The following ATRNL1 variants were observed in gnomAD, a reference collection of about 807,000 sequenced individuals.
The protein encoded by ATRNL1 is attractin-like protein 1.
In ATRNL1, 95 loss-of-function variants were observed where a neutral mutation model predicts 182.7. The observed-to-expected ratio is 0.52, with a 90% CI of 0.44 to 0.62. The LOEUF is 0.62. Among genes scored for constraint, ATRNL1 ranks in the 20% least tolerant of loss-of-function variants. The pLI is 0.00. For missense variants in ATRNL1, 1,471 were observed against 1,679.5 expected (o/e 0.88, Z 2.17); for synonymous variants, 576 against 568.3 (o/e 1.01, Z -0.19).
chr10:115,389,137 A>G (rs1423667525), intron 19 of ATRNL1, among the ~76,000 whole-genome samples: 2 of 152,120 alleles, frequency 1.3e-5, no homozygotes, highest in South Asian at 4.1e-4. Context: ...TTTAGATCCC[A>G]CATATAATTG....
chr10:115,543,201 C>T (rs1852459619), intron 25 of ATRNL1, among the ~76,000 whole-genome samples: 1 of 152,112 alleles, frequency 6.6e-6, no homozygotes, highest in Admixed American at 6.6e-5. Flanking sequence ...GCTTAACAAC[C>T]CTCAGAAGTT....
intron 16 of ATRNL1, among the ~76,000 whole-genome samples, 158 bp downstream of exon 16, chr10:115,300,405 C>G (rs1371708160): frequency 6.6e-6 from 1 of 152,184 alleles, no homozygotes; most frequent in Non-Finnish European, 1.5e-5. Flanking sequence ...TCAGCATTAA[C>G]TTGTGAAAAT....
chr10:115,606,147 A>G (rs1404160456), intron 26 of ATRNL1, among the ~76,000 whole-genome samples: 3 of 152,024 alleles, frequency 2.0e-5, no homozygotes, highest in African/African-American at 2.4e-5. Flanking sequence ...TATTTTTGCA[A>G]ATGTACACTG....
At chr10:115,866,790 A>G (rs1285761588) in intron 28 of ATRNL1, among the ~76,000 whole-genome samples, 1 of 152,210 alleles carries the variant, frequency 6.6e-6, no homozygotes, top group Non-Finnish European at 1.5e-5. Flanking sequence ...AAGGGATTTT[A>G]AAGAGTAATT....
intron 18 of ATRNL1, among the ~76,000 whole-genome samples, chr10:115,323,641 G>T (rs1554932231): frequency 6.6e-6 from 1 of 151,914 alleles, no homozygotes; most frequent in South Asian, 2.1e-4. Flanking sequence ...ACAGAGTTTT[G>T]CTGTGTTGGC....
At chr10:115,934,711 A>G (rs956694069) in intron 28 of ATRNL1, among the ~76,000 whole-genome samples, 5 of 152,134 alleles carry the variant, frequency 3.3e-5, no homozygotes, top group Admixed American at 2.6e-4. Context: ...ATGCTACACT[A>G]GAGGTGTCTC....
chr10:115,481,174 A>G (rs1848746969), intron 24 of ATRNL1, among the ~76,000 whole-genome samples: 1 of 150,502 alleles, frequency 6.6e-6, no homozygotes, highest in Non-Finnish European at 1.5e-5. Flanking sequence ...TGGTTTTTAT[A>G]TAACATATTG....
At chr10:115,098,606 C>T (rs921543833) in intron 1 of ATRNL1, among the ~76,000 whole-genome samples, 16 of 151,312 alleles carry the variant, frequency 1.1e-4, no homozygotes, top group East Asian at 3.9e-4. Context: ...GGACTACAGG[C>T]GCCCGCCACT....
chr10:115,264,099 A>G (rs1464659834), intron 10 of ATRNL1, among the ~76,000 whole-genome samples: 1 of 149,930 alleles, frequency 6.7e-6, no homozygotes, highest in Admixed American at 6.6e-5. Flanking sequence ...TTTTTTAATT[A>G]TACTTTAAGT....
At chr10:115,445,841 TAAC>T (rs1846960364) in intron 21 of ATRNL1, among the ~76,000 whole-genome samples, 2 of 1,246 alleles carry the variant, frequency 1.6e-3, no homozygotes, top group African/African-American at 0.011. Context: ...ATTTTGGACA[TAAC>T]AAAATAAATC....
At chr10:115,813,318 T>C (rs956007018) in intron 27 of ATRNL1, among the ~76,000 whole-genome samples, 1 of 152,206 alleles carries the variant, frequency 6.6e-6, no homozygotes, top group Admixed American at 6.6e-5. Flanking sequence ...GTATAGTCTG[T>C]CCAACTATAA....
intron 26 of ATRNL1, among the ~76,000 whole-genome samples, chr10:115,549,872 C>T (rs1465828496): frequency 2.6e-5 from 4 of 151,734 alleles, no homozygotes; most frequent in East Asian, 1.9e-4. Flanking sequence ...TTTTCATAAG[C>T]GTCTGTTGAA....
intron 26 of ATRNL1, among the ~76,000 whole-genome samples, chr10:115,633,754 C>A (rs1455556580): frequency 6.6e-6 from 1 of 152,072 alleles, no homozygotes; most frequent in Non-Finnish European, 1.5e-5. Flanking sequence ...ACACTTTTAG[C>A]TATCTACCAA....
intron 26 of ATRNL1, among the ~76,000 whole-genome samples, chr10:115,680,972 A>G (rs564339293): frequency 1.3e-5 from 2 of 152,200 alleles, no homozygotes; most frequent in South Asian, 2.1e-4. Context: ...TTCAGGAGAA[A>G]TGATTTATAC....
At chr10:115,347,100 C>A (rs1427821312) in intron 19 of ATRNL1, among the ~76,000 whole-genome samples, 1 of 152,044 alleles carries the variant, frequency 6.6e-6, no homozygotes, top group Admixed American at 6.6e-5. Context: ...AAGGATAATA[C>A]TTCTCTGCTA....
intron 21 of ATRNL1, among the ~76,000 whole-genome samples, chr10:115,435,736 A>G (rs1238121735): frequency 1.3e-5 from 2 of 152,212 alleles, no homozygotes; most frequent in African/African-American, 4.8e-5. Context: ...ACTCTTCCAG[A>G]TATCACAAAC....
chr10:115,799,432 A>G (rs1243610375), intron 27 of ATRNL1, among the ~76,000 whole-genome samples: 3 of 152,280 alleles, frequency 2.0e-5, no homozygotes, highest in Non-Finnish European at 2.9e-5. Flanking sequence ...ACAGGGAAAA[A>G]TCAGACAATC....
intron 19 of ATRNL1, among the ~76,000 whole-genome samples, chr10:115,366,793 G>C (rs1203273078): frequency 6.7e-6 from 1 of 149,838 alleles, no homozygotes; most frequent in Non-Finnish European, 1.5e-5. Context: ...AGTTTGGCTG[G>C]ATATGAAATT....
At chr10:115,559,562 C>G (rs1853566538) in intron 26 of ATRNL1, among the ~76,000 whole-genome samples, 1 of 152,184 alleles carries the variant, frequency 6.6e-6, no homozygotes, top group African/African-American at 2.4e-5. Flanking sequence ...CTCCAAGGAT[C>G]TCTGGTTCCC....
Sources: gnomAD v4.1 joint callset for allele counts (sites outside exome capture counted in the v4.1 genomes callset) on GRCh38, gnomAD v4.1.1 for gene constraint, MANE v1.5 for transcripts, NCBI Gene and HGNC (gene_info 2026-07-23, HGNC 2026-07-21) for gene names.